The following PMFBP1 variants were observed in gnomAD, a reference collection of about 807,000 sequenced individuals.
PMFBP1 encodes the protein polyamine-modulated factor 1-binding protein 1.
In PMFBP1, 131 loss-of-function variants were observed where a neutral mutation model predicts 137.8. The ratio of observed to expected loss-of-function variants is 0.95; its 90% CI spans 0.82 to 1.10. The LOEUF (loss-of-function observed/expected upper bound fraction) is 1.10, where lower values mean the gene tolerates loss of function less well. Ranked by LOEUF, PMFBP1 falls within the 50% of genes least tolerant of loss-of-function variation. The pLI is 0.00. For missense variants in PMFBP1, 1,199 were observed against 1,175.4 expected, an observed-to-expected ratio of 1.02 and a Z score of -0.29; for synonymous variants, 490 against 450.4, an observed-to-expected ratio of 1.09 and a Z score of -1.11.
chr16:72,148,602 G>A (rs754366202), intron 5 of PMFBP1, among the ~76,000 whole-genome samples: 1 of 152,100 alleles, frequency 6.6e-6, no homozygotes, highest in East Asian at 1.9e-4. Context: ...CAGACTGGGA[G>A]AAAATATTTG....
the PMFBP1 span, among the ~76,000 whole-genome samples, chr16:72,243,884 G>C: frequency 6.6e-6 from 1 of 152,210 alleles, no homozygotes; most frequent in Non-Finnish European, 1.5e-5. Flanking sequence ...ATTCCTGAAA[G>C]AGGGACTGAC....
chr16:72,154,414 C>G lies in PMFBP1; in HGVS notation c.211G>C (p.Glu71Gln). The stretch of plus-strand genomic sequence containing the variant: ...TGACACTGTTTACTGGACCCAAATT[C>G]CACCTCTGACTCCTCGAATGCTAAT... ...QALAFEESEVEFGSSKQCHLR... is the reference protein window; with the variant it reads ...QALAFEESEVQFGSSKQCHLR... Residue 71 changes from glutamate (E) to glutamine (Q), a missense_variant, in exon 4 of 21, where the codon GAA becomes CAA. Physicochemically the swap from Glu to Gln is conservative, Grantham distance 29. Coordinates refer to ENST00000237353, the MANE Select transcript of PMFBP1 (RefSeq NM_031293.3). The G allele has an allele frequency of 6.2e-7, 1 of 1,614,122 alleles. No individual in the cohort carries two copies.
chr16:72,136,942 G>C (rs1301376472), intron 7 of PMFBP1, 123 bp from the exon 8 acceptor site: 1 of 1,320,602 alleles, frequency 7.6e-7, no homozygotes, highest in Non-Finnish European at 1.0e-6. Context: ...TGGCTGCTGG[G>C]GGCCAGGGGA....
chr16:72,218,113 T>A, the PMFBP1 span, among the ~76,000 whole-genome samples: 1 of 152,186 alleles, frequency 6.6e-6, no homozygotes, highest in Non-Finnish European at 1.5e-5. Context: ...GGATACAGAA[T>A]CTTATTTGAA....
the PMFBP1 span, among the ~76,000 whole-genome samples, chr16:72,204,723 G>T: frequency 6.6e-6 from 1 of 152,030 alleles, no homozygotes; most frequent in African/African-American, 2.4e-5. Context: ...TTTCCTCCAC[G>T]TGGATTTTGG....
upstream of PMFBP1, among the ~76,000 whole-genome samples, chr16:72,181,286 G>A (rs1005997412): frequency 6.6e-6 from 1 of 151,350 alleles, no homozygotes; most frequent in Admixed American, 6.6e-5. Flanking sequence ...TTAAATACTC[G>A]ATAAGGATTA....
the PMFBP1 span, among the ~76,000 whole-genome samples, chr16:72,209,835 G>T: frequency 6.6e-6 from 1 of 152,146 alleles, no homozygotes; most frequent in Non-Finnish European, 1.5e-5. Flanking sequence ...GCCATGGGAG[G>T]CACATGCAGA....
the PMFBP1 span, among the ~76,000 whole-genome samples, chr16:72,222,643 C>A: frequency 6.6e-6 from 1 of 152,170 alleles, no homozygotes; most frequent in African/African-American, 2.4e-5. Context: ...AGATGTTAGA[C>A]TGCCGACTCT....
At chr16:72,200,689 T>A in the PMFBP1 span, among the ~76,000 whole-genome samples, 66 of 152,374 alleles carry the variant, frequency 4.3e-4, no homozygotes, top group African/African-American at 1.5e-3. Context: ...TAATCTATAG[T>A]CAAGGAATAA....
chr16:72,123,728 C>A, intron 17 of PMFBP1, 79 bp from the exon 18 acceptor site: 1 of 1,300,412 alleles, frequency 7.7e-7, no homozygotes, highest in South Asian at 1.3e-5. Flanking sequence ...CAGGCCTCTT[C>A]TATCTCCCTG....
the PMFBP1 span, among the ~76,000 whole-genome samples, chr16:72,213,805 ATTAGTAGG>A: frequency 6.6e-6 from 1 of 152,234 alleles, no homozygotes; most frequent in Non-Finnish European, 1.5e-5. Flanking sequence ...GAGATCAAGG[ATTAGTAGG>A]TAGCAAATTT....
At chr16:72,225,942 C>G in the PMFBP1 span, among the ~76,000 whole-genome samples, 1 of 150,534 alleles carries the variant, frequency 6.6e-6, no homozygotes, top group South Asian at 2.1e-4. Flanking sequence ...CAGACACACA[C>G]ACACACACAC....
chr16:72,175,708 A>G (rs1349796597), upstream of PMFBP1, among the ~76,000 whole-genome samples: 1 of 152,220 alleles, frequency 6.6e-6, no homozygotes, highest in Non-Finnish European at 1.5e-5. Context: ...TACCTATACT[A>G]AGCCATAAGT....
intron 2 of PMFBP1, among the ~76,000 whole-genome samples, chr16:72,168,091 T>A (rs531501168): frequency 1.2e-4 from 19 of 152,364 alleles, no homozygotes; most frequent in Non-Finnish European, 4.4e-5. Context: ...AGAAAATGTC[T>A]TCATTCATGA....
At position 72,126,113 on chromosome 16, in the gene PMFBP1, G is replaced by A. The variant is rs762098710; in HGVS notation, c.2108C>T (p.Ser703Phe). 35 of 1,614,126 alleles carry A rather than the reference G, an allele frequency of 2.2e-5. No homozygotes were observed. The highest frequency in any genetic ancestry group is 3.0e-5 in the Non-Finnish European group (35 of 1,179,994). Residue 703 changes from serine to phenylalanine, a missense_variant, in exon 15 of 21, where the codon TCC becomes TTC. Ser to Phe is a radical substitution (Grantham distance 155). Transcript: ENST00000237353. The part of the protein sequence containing the change: ...LNKEIALQKE[S>F]LMSLQAQLDK... ...CAGCTGGGCCTGCAGGCTCATTAAG[G>A]ACTCCTTCTGAAGGGCTATCTTTAA...
the PMFBP1 span, among the ~76,000 whole-genome samples, chr16:72,196,548 A>T: frequency 6.6e-6 from 1 of 152,240 alleles, no homozygotes; most frequent in Non-Finnish European, 1.5e-5. Context: ...CTCACACTCC[A>T]AAGAGTGGTA....
intron 3 of PMFBP1, among the ~76,000 whole-genome samples, chr16:72,158,488 A>G (rs1404191923): frequency 6.6e-6 from 1 of 152,086 alleles, no homozygotes; most frequent in Non-Finnish European, 1.5e-5. Flanking sequence ...TGGTGTGCTC[A>G]TGTATGTGTG....
intron 3 of PMFBP1, among the ~76,000 whole-genome samples, chr16:72,156,873 G>A (rs559355734): frequency 6.6e-6 from 1 of 152,050 alleles, no homozygotes; most frequent in Non-Finnish European, 1.5e-5. Context: ...ACTACGTAAT[G>A]GGGATATAGC....
In PMFBP1 at chr16:72,130,518, C is replaced by T. The variant is rs200463814; in HGVS notation, c.1637+15G>A. 1.1e-4 allele frequency: 178 copies of T among 1,613,666 alleles called. No individual in the cohort carries two copies. Among genetic ancestry groups the T allele is most frequent in the Non-Finnish European group, 3.6e-5 (42 of 1,179,730 alleles). ...GACAGAACCTCTCTCTGGAGGGGAG[C>T]CTGAGCCTGGGCACCTGTTGGAGGT... On this transcript the variant is annotated intron_variant, in intron 11 of 20. Coordinates refer to ENST00000237353, the MANE Select transcript of PMFBP1 (RefSeq NM_031293.3).
Sources: gnomAD v4.1 joint callset for allele counts (sites outside exome capture counted in the v4.1 genomes callset) on GRCh38, gnomAD v4.1.1 for gene constraint, MANE v1.5 for transcripts, NCBI Gene and HGNC (gene_info 2026-07-23, HGNC 2026-07-21) for gene names.